SREK1: variants seen among roughly 807,000 people sequenced by gnomAD.
SREK1 encodes splicing regulatory glutamine/lysine-rich protein 1.
Under a neutral mutation model 66.5 loss-of-function variants are expected in SREK1, and 13 were observed. The observed-to-expected ratio is 0.20, with a 90% CI of 0.13 to 0.31. The LOEUF (loss-of-function observed/expected upper bound fraction) is 0.31. Among genes scored for constraint, SREK1 ranks in the 10% least tolerant of loss-of-function variants. The pLI, the probability that SREK1 is intolerant of heterozygous loss-of-function variation, is 1.00. For synonymous variants in SREK1, 265 were observed against 263.5 expected, an observed-to-expected ratio of 1.01 and a Z score of -0.05; for missense variants, 607 against 769.6, an observed-to-expected ratio of 0.79 and a Z score of 2.50.
intron 1 of SREK1, among the ~76,000 whole-genome samples, chr5:66,153,168 T>G (rs953291897): frequency 3.3e-5 from 5 of 152,124 alleles, no homozygotes; most frequent in Non-Finnish European, 7.4e-5. Flanking sequence ...TTGAGTTAAT[T>G]TTTGGGTTAA....
rs1357682283 is a variant in SREK1 at position 66,180,735 on chromosome 5, A to G, written c.*1867A>G. On this transcript the variant is annotated 3_prime_UTR_variant, in exon 12 of 12. Coordinates refer to ENST00000334121, the MANE Select transcript of SREK1 (RefSeq NM_001077199.3). ...CTGGTAAACAGCTTATTCTGATACA[A>G]GAATGCTTGGGTGCATATGGAAAGA... 1 of 152,642 alleles carries G rather than the reference A, an allele frequency of 6.6e-6. No individual in the cohort carries two copies. The highest frequency in any genetic ancestry group is 2.4e-5 in the African/African-American group (1 of 41,460). 9.5% of individuals were successfully genotyped at this position (152,642 alleles called of 1,614,324 possible).
chr5:66,157,170 A>G, intron 2 of SREK1: 1 of 960,072 alleles, frequency 1.0e-6, no homozygotes, highest in Non-Finnish European at 1.2e-6. Context: ...GGATTTATAC[A>G]TTTATAGTAG....
At chr5:66,150,590 TTAA>T (rs1743701666) in intron 1 of SREK1, among the ~76,000 whole-genome samples, 1 of 152,200 alleles carries the variant, frequency 6.6e-6, no homozygotes, top group Non-Finnish European at 1.5e-5. Context: ...TGGAAGACCA[TTAA>T]TAAGGATTTG....
intron 10 of SREK1, among the ~76,000 whole-genome samples, chr5:66,177,055 G>C (rs1235628797): frequency 6.6e-6 from 1 of 152,028 alleles, no homozygotes; most frequent in Non-Finnish European, 1.5e-5. Flanking sequence ...TAGACAAAAA[G>C]ATACATTCAG....
intron 9 of SREK1, among the ~76,000 whole-genome samples, chr5:66,171,754 ATTT>A (rs145286701): frequency 0.081 from 12,376 of 152,198 alleles, 621 homozygotes; most frequent in East Asian, 0.27. Flanking sequence ...TTAGTAGTTT[ATTT>A]TTAATACCAG....
rs145403501 is a variant in SREK1 at position 66,180,164 on chromosome 5, G to C, written c.*1296G>C. 2.6e-5 allele frequency: 4 copies of C among 152,568 alleles called. No homozygotes were observed. In the East Asian group the frequency reaches 5.8e-4, roughly 22 times the overall value. 9.5% of individuals were successfully genotyped at this position (152,568 alleles called of 1,614,324 possible). On this transcript the variant is annotated 3_prime_UTR_variant, in exon 12 of 12. Coordinates refer to ENST00000334121, the MANE Select transcript of SREK1 (RefSeq NM_001077199.3). ...TTTATGTTTAAGGATACGTTTACTTGAGTTTAAGATACAGGTCATCCATCA... is the reference window on the plus strand; with the variant it reads ...TTTATGTTTAAGGATACGTTTACTTCAGTTTAAGATACAGGTCATCCATCA...
chr5:66,175,492 C>T (rs976555204), intron 10 of SREK1, among the ~76,000 whole-genome samples: 5 of 152,008 alleles, frequency 3.3e-5, no homozygotes, highest in East Asian at 1.9e-4. Context: ...AACTAGGCTA[C>T]AGTAGAAGGG....
At chr5:66,169,602 A>G (rs2112070655) in intron 7 of SREK1, 1 of 152,380 alleles carries the variant, frequency 6.6e-6, no homozygotes, top group Non-Finnish European at 1.5e-5. Flanking sequence ...CTTATGAGTA[A>G]TGATTTTTAT....
At chr5:66,155,359 G>A (rs903872410) in intron 2 of SREK1, among the ~76,000 whole-genome samples, 9 of 152,168 alleles carry the variant, frequency 5.9e-5, no homozygotes, top group African/African-American at 2.2e-4. Context: ...TGGTATTGGT[G>A]AAACATTCAG....
At position 66,183,221 on chromosome 5, in the gene SREK1, A is replaced by G. The variant is rs1746637794; in HGVS notation, c.*4353A>G. The G allele has an allele frequency of 6.6e-6, 1 of 152,140 alleles. No individual in the cohort carries two copies. The highest frequency in any genetic ancestry group is 2.1e-4 in the South Asian group (1 of 4,830). The allele number at this position is 152,140 out of a possible 1,614,324, so 9.4% of individuals were successfully genotyped here. A position where few individuals can be genotyped will look rare whatever the true frequency, so the allele number is the denominator to read the frequency against. On this transcript the variant is annotated 3_prime_UTR_variant, in exon 12 of 12. Transcript: ENST00000334121. ...GGTTTATTTTTATTTGCTAGACATA[A>G]TTTCTTAACTACATATGTAAGTATA...
intron 6 of SREK1, chr5:66,164,515 G>C: frequency 1.6e-6 from 2 of 1,251,668 alleles, no homozygotes; most frequent in Non-Finnish European, 2.2e-6. Flanking sequence ...ACTGTCACAG[G>C]AATTACAGAC....
intron 2 of SREK1, among the ~76,000 whole-genome samples, chr5:66,155,581 G>C (rs992252946): frequency 6.6e-6 from 1 of 152,200 alleles, no homozygotes; most frequent in African/African-American, 2.4e-5. Context: ...GTGCTGTGGT[G>C]CTGTAAGCAA....
At chr5:66,172,631 A>G (rs1387730851) in intron 9 of SREK1, among the ~76,000 whole-genome samples, 1 of 151,928 alleles carries the variant, frequency 6.6e-6, no homozygotes, top group East Asian at 1.9e-4. Flanking sequence ...CCTGGCCTCA[A>G]GTGATCTGCC....
chr5:66,160,878 G>A (rs188784537), intron 3 of SREK1, among the ~76,000 whole-genome samples: 2 of 151,962 alleles, frequency 1.3e-5, no homozygotes, highest in Non-Finnish European at 1.5e-5. Flanking sequence ...AGCTCTTTTC[G>A]TTCTGAAAAA....
At chr5:66,154,099 T>C (rs1455808838) in intron 2 of SREK1, among the ~76,000 whole-genome samples, 1 of 152,198 alleles carries the variant, frequency 6.6e-6, no homozygotes, top group African/African-American at 2.4e-5. Context: ...TTCAATGTAA[T>C]TGTTTGCTTT....
In SREK1 at chr5:66,183,526, A is replaced by T. The variant is rs1746666852; in HGVS notation, c.*4658A>T. The stretch of plus-strand genomic sequence containing the variant: ...TAGGTGGTGGTTATTTGTGAGTAGG[A>T]CTACTTTTAAATGGTACTAGTAAAG... On this transcript the variant is annotated 3_prime_UTR_variant, in exon 12 of 12. Coordinates refer to ENST00000334121, the MANE Select transcript of SREK1 (RefSeq NM_001077199.3). The T allele has an allele frequency of 6.6e-6, 1 of 152,198 alleles. No individual in the cohort carries two copies. Among genetic ancestry groups the T allele is most frequent in the South Asian group, 2.1e-4 (1 of 4,830 alleles). 9.4% of individuals were successfully genotyped at this position (152,198 alleles called of 1,614,324 possible). A position where few individuals can be genotyped will look rare whatever the true frequency, so the allele number is the denominator to read the frequency against.
intron 1 of SREK1, among the ~76,000 whole-genome samples, chr5:66,151,834 C>CTTTTTTTT (rs60920757): frequency 4.7e-5 from 4 of 84,788 alleles, no homozygotes; most frequent in African/African-American, 1.7e-4. Context: ...GAGGTACATC[C>CTTTTTTTT]TTTTTTTTTT....
At chr5:66,144,610 A>T in intron 1 of SREK1, 73 bp downstream of exon 1, 1 of 1,476,394 alleles carries the variant, frequency 6.8e-7, no homozygotes, top group South Asian at 1.3e-5. Context: ...CGTGGAGGAG[A>T]GCGCGGACGC....
chr5:66,165,198 A>G (rs1247936219), intron 7 of SREK1: 1 of 195,172 alleles, frequency 5.1e-6, no homozygotes, highest in African/African-American at 2.3e-5. Context: ...AGAAGTGACA[A>G]AAGCTGTTTT....
Sources: gnomAD v4.1 joint callset for allele counts (sites outside exome capture counted in the v4.1 genomes callset) on GRCh38, gnomAD v4.1.1 for gene constraint, MANE v1.5 for transcripts, NCBI Gene and HGNC (gene_info 2026-07-23, HGNC 2026-07-21) for gene names.